Variants in KCTD16 observed in about 807,000 individuals in gnomAD.
The protein encoded by KCTD16 is BTB/POZ domain-containing protein KCTD16.
Under a neutral mutation model 33.2 loss-of-function variants are expected in KCTD16, and 13 were observed. That is an observed-to-expected ratio of 0.39 (90% CI 0.25 to 0.62). KCTD16 has a LOEUF of 0.62. Ranked by LOEUF, KCTD16 falls within the 20% of genes least tolerant of loss-of-function variation. KCTD16 has a pLI of 0.50. For missense variants in KCTD16, 441 were observed against 525.1 expected (o/e 0.84, Z 1.57); for synonymous variants, 197 against 195.3 (o/e 1.01, Z -0.07).
chr5:144,329,869 G>A lies in KCTD16; in HGVS notation c.832+122323G>A, dbSNP rs576911409. ...GTAGTCATTCTGTTTTAGACATGAAGGTATTTGAAGTGTAGAGGCATTGAG... is the reference window on the plus strand; with the variant it reads ...GTAGTCATTCTGTTTTAGACATGAAAGTATTTGAAGTGTAGAGGCATTGAG... On this transcript the variant is annotated intron_variant, in intron 3 of 3. Coordinates refer to ENST00000512467, the MANE Select transcript of KCTD16 (RefSeq NM_020768.4). Among the ~76,000 whole-genome samples, 7 of 152,250 alleles carry A rather than the reference G, an allele frequency of 4.6e-5. No individual in the cohort carries two copies. In the East Asian group the frequency reaches 9.7e-4, roughly 21 times the overall value.
intron 3 of KCTD16, among the ~76,000 whole-genome samples, chr5:144,225,390 C>T (rs1329542928): frequency 1.3e-5 from 2 of 152,092 alleles, no homozygotes; most frequent in African/African-American, 4.8e-5. Flanking sequence ...CCAGTGACTC[C>T]TACACAGCAT....
chr5:144,243,753 T>G (rs938275542), intron 3 of KCTD16, among the ~76,000 whole-genome samples: 1 of 152,128 alleles, frequency 6.6e-6, no homozygotes, highest in African/African-American at 2.4e-5. Flanking sequence ...TGTTTTGTTT[T>G]TTTTAGAGAG....
chr5:144,403,530 A>G (rs1412186491), intron 3 of KCTD16, among the ~76,000 whole-genome samples: 1 of 152,138 alleles, frequency 6.6e-6, no homozygotes, highest in East Asian at 1.9e-4. Context: ...AGAAGCTAAG[A>G]GAGGGGCATG....
chr5:144,367,177 G>A (rs1751856142), intron 3 of KCTD16, among the ~76,000 whole-genome samples: 1 of 152,192 alleles, frequency 6.6e-6, no homozygotes, highest in South Asian at 2.1e-4. Context: ...GTAATAGATA[G>A]CCGACTTAAA....
intron 3 of KCTD16, among the ~76,000 whole-genome samples, chr5:144,232,950 A>G (rs1754148069): frequency 6.6e-6 from 1 of 152,134 alleles, no homozygotes; most frequent in Non-Finnish European, 1.5e-5. Context: ...ACTACCCTGA[A>G]AACTGTGGTT....
At chr5:144,219,355 A>G (rs1361714393) in intron 3 of KCTD16, among the ~76,000 whole-genome samples, 2 of 151,718 alleles carry the variant, frequency 1.3e-5, no homozygotes, top group Middle Eastern at 3.2e-3. Context: ...CTGGGATTAC[A>G]GGCCCCCGCC....
At chr5:144,385,885 G>A (rs1458391548) in intron 3 of KCTD16, among the ~76,000 whole-genome samples, 4 of 151,882 alleles carry the variant, frequency 2.6e-5, no homozygotes, top group East Asian at 1.9e-4. Flanking sequence ...TAATATTAAC[G>A]TCTATTTTTA....
chr5:144,472,584 A>T (rs2127001712), intron 3 of KCTD16, among the ~76,000 whole-genome samples: 1 of 152,376 alleles, frequency 6.6e-6, no homozygotes, highest in East Asian at 1.9e-4. Context: ...AGGTGTGGCT[A>T]GATCCAGGTA....
chr5:144,234,460 G>A lies in KCTD16; in HGVS notation c.832+26914G>A, dbSNP rs62401253. On this transcript the variant is annotated intron_variant, in intron 3 of 3. Coordinates refer to ENST00000512467, the MANE Select transcript of KCTD16 (RefSeq NM_020768.4). ...ACAAGTTATTTAGGTGATATCAGAGGTGTTGAATCAGTAAAGTAATTTGTA... is the reference window on the plus strand; with the variant it reads ...ACAAGTTATTTAGGTGATATCAGAGATGTTGAATCAGTAAAGTAATTTGTA... Among the ~76,000 whole-genome samples, 756 of 152,222 alleles carry A rather than the reference G, an allele frequency of 5.0e-3. 2 individuals carry two copies. Among genetic ancestry groups the A allele is most frequent in the Non-Finnish European group, 7.6e-3 (514 of 67,984 alleles).
intron 3 of KCTD16, among the ~76,000 whole-genome samples, chr5:144,305,399 T>G (rs1295053381): frequency 6.6e-6 from 1 of 152,172 alleles, no homozygotes; most frequent in African/African-American, 2.4e-5. Context: ...GTGACTAAGT[T>G]AAAATGATGC....
At chr5:144,180,313 G>A (rs902173936) in intron 2 of KCTD16, among the ~76,000 whole-genome samples, 2 of 152,106 alleles carry the variant, frequency 1.3e-5, no homozygotes, top group Non-Finnish European at 2.9e-5. Context: ...CAGGGCAAGG[G>A]GGAGTGGATC....
chr5:144,278,989 A>T (rs1755528494), intron 3 of KCTD16, among the ~76,000 whole-genome samples: 1 of 152,130 alleles, frequency 6.6e-6, no homozygotes, highest in South Asian at 2.1e-4. Flanking sequence ...AGTTTCTTTC[A>T]TCAGTGTTTT....
intron 2 of KCTD16, among the ~76,000 whole-genome samples, chr5:144,190,304 C>G (rs771919025): frequency 1.9e-4 from 29 of 152,310 alleles, no homozygotes; most frequent in Non-Finnish European, 2.8e-4. Flanking sequence ...GTCAGAGTGT[C>G]TGCACTCAAA....
At chr5:144,305,729 A>G (rs1751587956) in intron 3 of KCTD16, among the ~76,000 whole-genome samples, 1 of 152,118 alleles carries the variant, frequency 6.6e-6, no homozygotes, top group Admixed American at 6.5e-5. Context: ...CACAAGAACC[A>G]CTTGAACCCA....
chr5:144,229,894 C>A (rs557850327), intron 3 of KCTD16, among the ~76,000 whole-genome samples: 1 of 152,194 alleles, frequency 6.6e-6, no homozygotes, highest in African/African-American at 2.4e-5. Context: ...GTAATCCCAG[C>A]ACTTTGGGAG....
Position 144,306,046 on chromosome 5 carries a change from G to T in KCTD16, c.832+98500G>T, listed in dbSNP as rs1751597268. ...GTCAGTGTAGCTCTTGGAGCAATGAGGTTTGTTGTGAGCCAACCAGATATC... is the reference window on the plus strand; with the variant it reads ...GTCAGTGTAGCTCTTGGAGCAATGATGTTTGTTGTGAGCCAACCAGATATC... On this transcript the variant is annotated intron_variant, in intron 3 of 3. Coordinates refer to ENST00000512467, the MANE Select transcript of KCTD16 (RefSeq NM_020768.4). Among the ~76,000 whole-genome samples the T allele has an allele frequency of 2.0e-5, 3 of 152,182 alleles. No individual in the cohort carries two copies. The South Asian group carries it at 6.2e-4, about 32-fold the overall frequency.
At chr5:144,321,110 C>G (rs751902347) in intron 3 of KCTD16, among the ~76,000 whole-genome samples, 2 of 152,174 alleles carry the variant, frequency 1.3e-5, no homozygotes. Context: ...CCATCTCGGC[C>G]TCCCAAGGTG....
chr5:144,312,572 G>T (rs1177470411), intron 3 of KCTD16, among the ~76,000 whole-genome samples: 1 of 152,184 alleles, frequency 6.6e-6, no homozygotes, highest in Non-Finnish European at 1.5e-5. Flanking sequence ...TTCACTACAA[G>T]CATGTGGTCT....
chr5:144,221,637 T>C (rs1445523378), intron 3 of KCTD16, among the ~76,000 whole-genome samples: 1 of 152,214 alleles, frequency 6.6e-6, no homozygotes, highest in Non-Finnish European at 1.5e-5. Flanking sequence ...ATGGTGTATA[T>C]GTGCCACATT....
Sources: gnomAD v4.1 joint callset for allele counts (sites outside exome capture counted in the v4.1 genomes callset) on GRCh38, gnomAD v4.1.1 for gene constraint, MANE v1.5 for transcripts, NCBI Gene and HGNC (gene_info 2026-07-23, HGNC 2026-07-21) for gene names.